The following PRH1 variants were observed in gnomAD, a reference collection of about 807,000 sequenced individuals.
PRH1 encodes salivary acidic proline-rich phosphoprotein 1/2.
In PRH1, 7 loss-of-function variants were observed where a neutral mutation model predicts 7.9. The observed-to-expected ratio is 0.89, with a 90% confidence interval of 0.50 to 1.67. PRH1 has a LOEUF of 1.67. Ranked by LOEUF, PRH1 falls within the 40% of genes most tolerant of loss-of-function variation. PRH1 has a pLI of 0.00. For missense variants in PRH1, 109 were observed against 223.6 expected, an observed-to-expected ratio of 0.49 and a Z score of 3.27; for synonymous variants, 45 against 80.8, an observed-to-expected ratio of 0.56 and a Z score of 2.38.
At chr12:10,916,293 C>A (rs149857736) in intron 2 of PRH1, among the ~76,000 whole-genome samples, 2 of 152,030 alleles carry the variant, frequency 1.3e-5, no homozygotes, top group African/African-American at 4.8e-5. Flanking sequence ...TCGGGAGCCA[C>A]AATTCAAGAT....
chr12:11,050,033 C>T (rs1943080457), upstream of PRH1, among the ~76,000 whole-genome samples: 1 of 152,172 alleles, frequency 6.6e-6, no homozygotes, highest in South Asian at 2.1e-4. Flanking sequence ...TCAGGGTTGT[C>T]AGACAATGAA....
rs184940521 is a variant in PRH1, at chr12:11,105,410, G to C, written n.124-58222C>G. On this transcript the variant is annotated intron_variant and non_coding_transcript_variant, in intron 1 of 4. Coordinates refer to the PRH1 transcript ENST00000541977. ...ACCTGATTCCTGAATTTGCAGGAAT[G>C]TCCTTGTTCCTTTTTAAATTCTGTG... Among the ~76,000 whole-genome samples, 21 of 152,192 alleles carry C rather than the reference G, an allele frequency of 1.4e-4. No homozygotes were observed. In the Middle Eastern group the frequency reaches 0.01, roughly 74 times the overall value.
intron 1 of PRH1, among the ~76,000 whole-genome samples, chr12:11,010,803 CT>C (rs1472521879): frequency 1.4e-5 from 2 of 138,410 alleles, no homozygotes; most frequent in Non-Finnish European, 3.2e-5. Flanking sequence ...AATTATGTTG[CT>C]TTTTAATTAC....
intron 1 of PRH1, among the ~76,000 whole-genome samples, chr12:11,036,836 C>T (rs555635388): frequency 2.6e-5 from 4 of 152,146 alleles, no homozygotes; most frequent in East Asian, 1.9e-4. Context: ...AAGATATAGA[C>T]GATGATGATA....
At position 11,091,689 on chromosome 12, in the gene PRH1, T is replaced by C. The variant is rs753641863; in HGVS notation, n.124-44501A>G. On this transcript the variant is annotated intron_variant and non_coding_transcript_variant, in intron 1 of 4. Coordinates refer to the PRH1 transcript ENST00000541977. The stretch of plus-strand genomic sequence containing the variant: ...GTGAAGGGTACTAAGTTTGCTACCA[T>C]GGTTACAGTCATATTTGAAAAGTAC... 7.2e-6 allele frequency: 9 copies of C among 1,256,166 alleles called. 2 individuals are homozygous for C. The highest frequency in any genetic ancestry group is 1.6e-5 in the African/African-American group (1 of 64,420). The allele number at this position is 1,256,166 out of a possible 1,614,324, so 77.8% of individuals were successfully genotyped here.
chr12:11,059,416 T>C (rs922831009), intron 1 of PRH1, among the ~76,000 whole-genome samples: 12 of 152,184 alleles, frequency 7.9e-5, no homozygotes, highest in African/African-American at 2.9e-4. Context: ...ATCACCTTAA[T>C]AACAGGTAAT....
intron 1 of PRH1, chr12:11,030,683 T>G: frequency 1.2e-6 from 2 of 1,614,210 alleles, no homozygotes; most frequent in Non-Finnish European, 1.7e-6. Flanking sequence ...GGTGCTGGGA[T>G]CTTGAGATCC....
chr12:10,893,657 G>A (rs529973698), intron 2 of PRH1, among the ~76,000 whole-genome samples: 5 of 152,170 alleles, frequency 3.3e-5, no homozygotes, highest in South Asian at 4.1e-4. Context: ...TTAAAATTTC[G>A]TTTTAGGCCT....
rs77337917 is a variant in PRH1 at position 10,967,440 on chromosome 12, G to A, written c.-59+6215C>T. On this transcript the variant is annotated intron_variant, in intron 2 of 3. Transcript: ENST00000539853. The stretch of plus-strand genomic sequence containing the variant: ...ATGTAACCATCAAATAAGGCAAGAC[G>A]TGGAACATTGCAAAGAGCCTAGGTC... Among the ~76,000 whole-genome samples the A allele has an allele frequency of 3.3e-5, 5 of 152,290 alleles. No individual in the cohort carries two copies. In the East Asian group the frequency reaches 7.7e-4, roughly 23 times the overall value.
chr12:11,149,994 C>T (rs1416357706), intron 1 of PRH1, among the ~76,000 whole-genome samples: 2 of 121,900 alleles, frequency 1.6e-5, no homozygotes, highest in Non-Finnish European at 3.8e-5. Flanking sequence ...ACAACCCCAT[C>T]AAAAAGTGGG....
chr12:11,021,615 A>C (rs1941632278), intron 1 of PRH1: 1 of 1,429,246 alleles, frequency 7.0e-7, no homozygotes, highest in Admixed American at 2.0e-5. Context: ...TTTCTGCTAG[A>C]AGACCCACGA....
At chr12:10,884,530 A>C (rs566946785), upstream of PRH1, among the ~76,000 whole-genome samples, 1 of 152,302 alleles carries the variant, frequency 6.6e-6, no homozygotes, top group Admixed American at 6.5e-5. Context: ...ATTGAACTTT[A>C]GACATCTTTT....
At chr12:11,164,574 A>G (rs1947516819) in intron 1 of PRH1, among the ~76,000 whole-genome samples, 1 of 152,210 alleles carries the variant, frequency 6.6e-6, no homozygotes. Context: ...TATTGCCTTC[A>G]TGTACAACCC....
At chr12:11,127,920 C>G (rs1452486783) in intron 1 of PRH1, among the ~76,000 whole-genome samples, 1 of 151,638 alleles carries the variant, frequency 6.6e-6, no homozygotes, top group Non-Finnish European at 1.5e-5. Flanking sequence ...TCCTGGCTAA[C>G]ACGGTGAAAC....
downstream of PRH1, among the ~76,000 whole-genome samples, chr12:11,119,034 G>GTGGTACA (rs1472161797): frequency 6.7e-6 from 1 of 148,576 alleles, no homozygotes; most frequent in Non-Finnish European, 1.5e-5. Context: ...GAGAGAGAAT[G>GTGGTACA]TGGTACATAT....
chr12:10,950,351 A>C (rs773932002), intron 2 of PRH1, among the ~76,000 whole-genome samples: 10 of 152,136 alleles, frequency 6.6e-5, no homozygotes. Context: ...GAAAATTGTC[A>C]GTGCCTCATG....
In PRH1 at chr12:10,943,973, C is replaced by A. The variant is rs539196416; in HGVS notation, c.-59+29682G>T. Among the ~76,000 whole-genome samples the A allele has an allele frequency of 3.3e-5, 5 of 152,228 alleles. No individual in the cohort carries two copies. In the East Asian group the frequency reaches 7.7e-4, roughly 23 times the overall value. Reference sequence around the variant, plus strand: ...TACCATGCTATATTGGTCACTGTAGCTCTGTAACATAGTTTGAAGTTGGGT... The same window carrying A: ...TACCATGCTATATTGGTCACTGTAGATCTGTAACATAGTTTGAAGTTGGGT... On this transcript the variant is annotated intron_variant, in intron 2 of 3. Transcript: ENST00000539853.
chr12:11,134,841 C>T (rs547279901), intron 1 of PRH1, among the ~76,000 whole-genome samples: 5 of 152,252 alleles, frequency 3.3e-5, no homozygotes, highest in Admixed American at 1.3e-4. Context: ...CAGGCCAATA[C>T]TCCATAAGAT....
At chr12:11,138,140 G>T (rs1243942736) in intron 1 of PRH1, among the ~76,000 whole-genome samples, 1 of 151,868 alleles carries the variant, frequency 6.6e-6, no homozygotes, top group East Asian at 1.9e-4. Context: ...TTCTATTTTG[G>T]GTTTTTTTGT....
Sources: allele counts gnomAD v4.1 joint callset (sites outside exome capture counted in the v4.1 genomes callset), GRCh38; gene constraint gnomAD v4.1.1; transcripts MANE v1.5; gene names NCBI Gene and HGNC (gene_info 2026-07-23, HGNC 2026-07-21).